HMGN5: variants seen among roughly 807,000 people sequenced by gnomAD.
HMGN5 encodes the protein high mobility group nucleosome-binding domain-containing protein 5.
In HMGN5, 4 loss-of-function variants were observed where a neutral mutation model predicts 9.5. That is an observed-to-expected ratio of 0.42 (90% CI 0.21 to 0.96). HMGN5 has a LOEUF of 0.96. Among genes scored for constraint, HMGN5 ranks in the 40% least tolerant of loss-of-function variants. HMGN5 has a pLI of 0.30. For synonymous variants in HMGN5, 55 were observed against 57.1 expected, an observed-to-expected ratio of 0.96 and a Z score of 0.16; for missense variants, 192 against 187.5, an observed-to-expected ratio of 1.02 and a Z score of -0.14.
At chrX:81,122,715 G>A (rs1259017877) in intron 1 of HMGN5, among the ~76,000 whole-genome samples, 1 of 111,792 alleles carries the variant, frequency 8.9e-6, no homozygotes, top group Non-Finnish European at 1.9e-5. Context: ...TTTGCCAAAG[G>A]AGAATGTCTC....
intron 3 of HMGN5, 98 bp from the exon 4 acceptor site, chrX:81,118,857 A>T: frequency 3.8e-6 from 2 of 528,296 alleles, no homozygotes; most frequent in Non-Finnish European, 6.2e-6. Context: ...ACAATACATA[A>T]ATATTGTCAT....
intron 1 of HMGN5, among the ~76,000 whole-genome samples, chrX:81,155,933 T>C (rs1454571458): frequency 1.8e-5 from 2 of 111,507 alleles, no homozygotes; most frequent in Admixed American, 9.6e-5. Context: ...TATGTAGAAA[T>C]GTGAACAAGG....
intron 3 of HMGN5, 42 bp downstream of exon 3, chrX:81,119,746 G>A (rs1487523143): frequency 8.8e-7 from 1 of 1,133,577 alleles, no homozygotes; most frequent in Non-Finnish European, 1.2e-6. Context: ...TTTATAAAAC[G>A]AGTGGTTTTT....
chrX:81,159,348 T>C (rs761541892), intron 1 of HMGN5, among the ~76,000 whole-genome samples: 84 of 111,346 alleles, frequency 7.5e-4, no homozygotes, highest in African/African-American at 2.6e-3. Flanking sequence ...CTTTCACCTA[T>C]GTAACAAACC....
At chrX:81,157,361 A>G (rs1394276693) in intron 1 of HMGN5, among the ~76,000 whole-genome samples, 2 of 111,888 alleles carry the variant, frequency 1.8e-5, no homozygotes, top group Non-Finnish European at 3.8e-5. Flanking sequence ...CTGAAACAGG[A>G]TGTCTAAGAG....
chrX:81,144,234 A>G (rs897631873), intron 1 of HMGN5, among the ~76,000 whole-genome samples: 3 of 111,258 alleles, frequency 2.7e-5, no homozygotes, highest in Non-Finnish European at 5.7e-5. Context: ...GCCGACAGAC[A>G]TCTATACAGG....
At chrX:81,121,856 C>G (rs1281090960) in intron 1 of HMGN5, among the ~76,000 whole-genome samples, 184 bp from the exon 2 acceptor site, 1 of 112,698 alleles carries the variant, frequency 8.9e-6, no homozygotes, top group Admixed American at 9.3e-5. Context: ...CGTTCCCTGT[C>G]GGCTCTAACC....
chrX:81,122,871 T>C (rs1163913164), intron 1 of HMGN5, among the ~76,000 whole-genome samples: 2 of 110,905 alleles, frequency 1.8e-5, no homozygotes, highest in African/African-American at 3.3e-5. Context: ...GGAATAAATA[T>C]GATTAAAATA....
chrX:81,131,949 C>T (rs144649849), intron 1 of HMGN5, among the ~76,000 whole-genome samples: 335 of 111,356 alleles, frequency 3.0e-3, no homozygotes, highest in African/African-American at 0.01. Context: ...TGACATGATT[C>T]TATCTCTCAA....
At chrX:81,165,057 T>A (rs999276073) in intron 1 of HMGN5, among the ~76,000 whole-genome samples, 7 of 111,457 alleles carry the variant, frequency 6.3e-5, no homozygotes, top group Non-Finnish European at 1.1e-4. Context: ...CAGCATGATA[T>A]AGTGGAAAGG....
chrX:81,178,279 G>GTA (rs1038984460), intron 1 of HMGN5, among the ~76,000 whole-genome samples: 2 of 111,344 alleles, frequency 1.8e-5, no homozygotes, highest in African/African-American at 6.5e-5. Context: ...CCATGAGCTG[G>GTA]TTTTTTGAAA....
At chrX:81,133,534 A>G (rs1286259827) in intron 1 of HMGN5, among the ~76,000 whole-genome samples, 1 of 111,941 alleles carries the variant, frequency 8.9e-6, no homozygotes, top group Non-Finnish European at 1.9e-5. Context: ...GCCATAAAAA[A>G]GAATGAAATA....
chrX:81,157,234 G>A (rs948429794), intron 1 of HMGN5, among the ~76,000 whole-genome samples: 3 of 111,941 alleles, frequency 2.7e-5, no homozygotes, highest in Non-Finnish European at 5.6e-5. Context: ...TATCATTACT[G>A]AGTAGCTGCA....
At chrX:81,157,872 T>C (rs12397035) in intron 1 of HMGN5, among the ~76,000 whole-genome samples, 4,854 of 109,917 alleles carry the variant, frequency 0.044, 281 homozygotes, top group African/African-American at 0.15. Flanking sequence ...CTCTGCCTCC[T>C]GGGTTCACGC....
chrX:81,178,744 A>G (rs748096514), intron 1 of HMGN5, among the ~76,000 whole-genome samples: 3 of 111,627 alleles, frequency 2.7e-5, no homozygotes, highest in Non-Finnish European at 5.6e-5. Flanking sequence ...TAAAGACACA[A>G]CAAAAAAAGG....
intron 1 of HMGN5, among the ~76,000 whole-genome samples, chrX:81,193,156 G>C (rs958134427): frequency 9.0e-6 from 1 of 111,038 alleles, no homozygotes; most frequent in Non-Finnish European, 1.9e-5. Context: ...ATAGCTGTTC[G>C]GAGAAATGAT....
rs768200545 is a variant in HMGN5 at position 81,121,526 on chromosome X, T to G, written c.15+9A>C. On this transcript the variant is annotated intron_variant, in intron 2 of 6. Coordinates refer to ENST00000358130, the MANE Select transcript of HMGN5 (RefSeq NM_030763.3). ...GCTCATTCCCCGTCTGTCTTTCCAT[T>G]TCACTTACCTTTCTTTTGGGCATTG... The G allele has an allele frequency of 2.7e-5, 32 of 1,201,566 alleles. No homozygotes were observed. The South Asian group carries it at 2.8e-4, about 11-fold the overall frequency.
intron 1 of HMGN5, among the ~76,000 whole-genome samples, chrX:81,147,447 A>G (rs1200504087): frequency 9.0e-6 from 1 of 111,537 alleles, no homozygotes; most frequent in Non-Finnish European, 1.9e-5. Flanking sequence ...CATGCCAAAA[A>G]CGCTCAATAT....
chrX:81,176,038 C>T (rs2075440755), intron 1 of HMGN5, among the ~76,000 whole-genome samples: 2 of 111,322 alleles, frequency 1.8e-5, no homozygotes, highest in Non-Finnish European at 3.8e-5. Context: ...CGACAGACAC[C>T]TCATATAGGT....
Sources: gnomAD v4.1 joint callset for allele counts (sites outside exome capture counted in the v4.1 genomes callset) on GRCh38, gnomAD v4.1.1 for gene constraint, MANE v1.5 for transcripts, NCBI Gene and HGNC (gene_info 2026-07-23, HGNC 2026-07-21) for gene names.